The following ST18 variants were observed in gnomAD, a reference collection of about 807,000 sequenced individuals.
The protein encoded by ST18 is ST18 C2H2C-type zinc finger transcription factor.
ST18 carries 50 observed loss-of-function variants against 110.0 expected under a neutral mutation model. The ratio of observed to expected loss-of-function variants is 0.45; its 90% confidence interval spans 0.36 to 0.58. The LOEUF (loss-of-function observed/expected upper bound fraction) is 0.58. Ranked by LOEUF, ST18 falls within the 20% of genes least tolerant of loss-of-function variation. The pLI is 0.00. For synonymous variants in ST18, 461 were observed against 452.4 expected, an observed-to-expected ratio of 1.02 and a Z score of -0.24; for missense variants, 1,306 against 1,280.1, an observed-to-expected ratio of 1.02 and a Z score of -0.31.
At chr8:52,249,041 A>C (rs1417666945) in intron 2 of ST18, among the ~76,000 whole-genome samples, 1 of 152,150 alleles carries the variant, frequency 6.6e-6, no homozygotes, top group African/African-American at 2.4e-5. Flanking sequence ...GAAAGTTTTC[A>C]AACCTGAACC....
intron 2 of ST18, among the ~76,000 whole-genome samples, chr8:52,328,464 G>A (rs939541076): frequency 1.1e-4 from 16 of 152,156 alleles, no homozygotes; most frequent in Non-Finnish European, 2.1e-4. Context: ...TTTATTGACT[G>A]TTATTGAGAA....
chr8:52,217,325 T>C (rs1277308017), intron 6 of ST18, among the ~76,000 whole-genome samples: 2 of 151,950 alleles, frequency 1.3e-5, no homozygotes, highest in Non-Finnish European at 2.9e-5. Context: ...TCGATAGGAG[T>C]AAGAACAGTA....
At chr8:52,136,323 A>G (rs1244338094) in intron 19 of ST18, among the ~76,000 whole-genome samples, 1 of 152,262 alleles carries the variant, frequency 6.6e-6, no homozygotes, top group Non-Finnish European at 1.5e-5. Context: ...TGAAATTTAC[A>G]GAAAAAAGTA....
intron 14 of ST18, 28 bp from the exon 15 acceptor site, chr8:52,159,137 T>A (rs950220666): frequency 6.3e-7 from 1 of 1,599,088 alleles, no homozygotes; most frequent in Non-Finnish European, 8.6e-7. Context: ...GATTAGCAAT[T>A]GCATGTACAT....
At chr8:52,199,233 T>C (rs1296613611) in intron 8 of ST18, 1 of 151,894 alleles carries the variant, frequency 6.6e-6, no homozygotes, top group Non-Finnish European at 1.5e-5. Context: ...CTAGACAACA[T>C]GGACAGTAGC....
At chr8:52,235,842 G>T (rs62499768) in intron 2 of ST18, among the ~76,000 whole-genome samples, 17,614 of 152,150 alleles carry the variant, frequency 0.12, 1,378 homozygotes, top group Middle Eastern at 0.21. Context: ...AGGGGGAGGG[G>T]ATATTAACAT....
chr8:52,113,372 AGT>A (rs757164811), intron 25 of ST18, 34 bp from the exon 26 acceptor site: 13 of 1,610,266 alleles, frequency 8.1e-6, no homozygotes, highest in Admixed American at 1.7e-5. Flanking sequence ...ACCCAATCAC[AGT>A]GGTTCAGGCT....
chr8:52,385,524 C>T (rs939178731), intron 2 of ST18, among the ~76,000 whole-genome samples: 4 of 151,288 alleles, frequency 2.6e-5, no homozygotes, highest in African/African-American at 4.9e-5. Context: ...CGCTTGAACC[C>T]GGGAGGCGGA....
chr8:52,253,276 G>A (rs1038346908), intron 2 of ST18, among the ~76,000 whole-genome samples: 4 of 151,972 alleles, frequency 2.6e-5, no homozygotes, highest in African/African-American at 9.7e-5. Context: ...GGAATATGAG[G>A]CAAAGTATTG....
chr8:52,257,804 A>G (rs571222504), intron 2 of ST18, among the ~76,000 whole-genome samples: 131 of 151,290 alleles, frequency 8.7e-4, no homozygotes, highest in African/African-American at 2.9e-3. Flanking sequence ...TCCAATTTAT[A>G]TGTTTCTTTA....
Position 52,113,137 on chromosome 8 carries a change from A to G in ST18, c.*61T>C. The G allele has an allele frequency of 6.2e-7, 1 of 1,600,192 alleles. No individual in the cohort carries two copies. The highest frequency in any genetic ancestry group is 8.5e-7 in the Non-Finnish European group (1 of 1,173,706). On this transcript the variant is annotated 3_prime_UTR_variant, in exon 26 of 26. Transcript: ENST00000689386. Reference sequence around the variant, plus strand: ...ACGCCTTAGCAGTACATGAACCTCTAACAGATCCATCTGGAGTTTACTGCT... The same window carrying G: ...ACGCCTTAGCAGTACATGAACCTCTGACAGATCCATCTGGAGTTTACTGCT...
At chr8:52,214,120 T>A (rs1223175192) in intron 7 of ST18, 83 bp downstream of exon 7, 2 of 1,411,816 alleles carry the variant, frequency 1.4e-6, no homozygotes. Context: ...TCATTCTGAC[T>A]GCACACGAGG....
chr8:52,139,516 C>A (rs556975763), intron 17 of ST18, among the ~76,000 whole-genome samples: 16 of 151,910 alleles, frequency 1.1e-4, no homozygotes, highest in Non-Finnish European at 1.9e-4. Flanking sequence ...CCACCATGCC[C>A]GACTAATTTT....
At chr8:52,181,777 A>G (rs575877060) in intron 8 of ST18, among the ~76,000 whole-genome samples, 43 of 152,274 alleles carry the variant, frequency 2.8e-4, no homozygotes, top group African/African-American at 1.0e-3. Context: ...TGTCAAGGAA[A>G]ATACAAGTCC....
At chr8:52,128,487 C>T (rs1027785714) in intron 22 of ST18, among the ~76,000 whole-genome samples, 3 of 152,104 alleles carry the variant, frequency 2.0e-5, no homozygotes, top group Non-Finnish European at 4.4e-5. Flanking sequence ...TATCACTTGT[C>T]TTCTCAGATT....
At chr8:52,403,059 C>T (rs918915328) in intron 2 of ST18, among the ~76,000 whole-genome samples, 2 of 152,262 alleles carry the variant, frequency 1.3e-5, no homozygotes, top group East Asian at 1.9e-4. Flanking sequence ...GAAGTGCATG[C>T]CTGCTCCACT....
chr8:52,297,961 C>T (rs958723521), intron 2 of ST18, among the ~76,000 whole-genome samples: 14 of 152,294 alleles, frequency 9.2e-5, no homozygotes, highest in Middle Eastern at 6.8e-3. Flanking sequence ...TCGTTGTTTT[C>T]CCCAGTGACA....
At chr8:52,384,786 GGTGTGTGTGT>G (rs60638852) in intron 2 of ST18, among the ~76,000 whole-genome samples, 1 of 147,386 alleles carries the variant, frequency 6.8e-6, no homozygotes, top group Non-Finnish European at 1.5e-5. Flanking sequence ...TGTGTACACA[GGTGTGTGTGT>G]GTGTGTGTGT....
rs1000346816 is a variant in ST18, at chr8:52,409,421, C to T, written c.-558G>A. ...TATGCTATTTCTCTTAGGATTTCTC[C>T]ACGCTGCCCCATTCAGAAATTTTAT... is the stretch of plus-strand genomic sequence containing the variant. On this transcript the variant is annotated 5_prime_UTR_variant, in exon 2 of 26. It introduces an in-frame stop codon into an upstream open reading frame of the 5' UTR. Transcript: ENST00000689386. The T allele has an allele frequency of 6.6e-6, 1 of 152,158 alleles. No individual in the cohort carries two copies. Among genetic ancestry groups the T allele is most frequent in the African/African-American group, 2.4e-5 (1 of 41,420 alleles). The allele number at this position is 152,158 out of a possible 1,614,324, so 9.4% of individuals were successfully genotyped here.
Sources: allele counts gnomAD v4.1 joint callset (sites outside exome capture counted in the v4.1 genomes callset), GRCh38; gene constraint gnomAD v4.1.1; transcripts MANE v1.5; gene names NCBI Gene and HGNC (gene_info 2026-07-23, HGNC 2026-07-21).